Variants in LPAR3 observed in about 807,000 individuals in gnomAD.
LPAR3 encodes LPA receptor 3.
LPAR3 carries 7 observed loss-of-function variants against 17.8 expected under a neutral mutation model. The observed-to-expected ratio is 0.39, with a 90% confidence interval of 0.22 to 0.74. The LOEUF is 0.74. Ranked by LOEUF, LPAR3 falls within the 30% of genes least tolerant of loss-of-function variation. LPAR3 has a pLI of 0.40. For synonymous variants in LPAR3, 179 were observed against 179.9 expected (o/e 0.99, Z 0.04); for missense variants, 391 against 453.4 (o/e 0.86, Z 1.25).
intron 1 of LPAR3, among the ~76,000 whole-genome samples, chr1:84,879,542 G>A (rs373917953): frequency 1.7e-3 from 251 of 151,890 alleles, no homozygotes; most frequent in African/African-American, 5.6e-3. Context: ...TAATCTCCTG[G>A]CCTCGTGATC....
intron 2 of LPAR3, among the ~76,000 whole-genome samples, chr1:84,853,885 C>G (rs1048710245): frequency 1.3e-5 from 2 of 152,236 alleles, no homozygotes; most frequent in African/African-American, 4.8e-5. Context: ...AGACTGGCCA[C>G]AGGCCTATTT....
Position 84,883,492 on chromosome 1 carries a change from A to G in LPAR3, c.-19+9524T>C, listed in dbSNP as rs563211073. On this transcript the variant is annotated intron_variant, in intron 1 of 2. Coordinates refer to ENST00000370611, the MANE Select transcript of LPAR3 (RefSeq NM_012152.3). The stretch of plus-strand genomic sequence containing the variant: ...AAACCTAATGTTTAACATTCTTACT[A>G]TGTTACCATACTTCCTCTAAACCAC... Among the ~76,000 whole-genome samples, 11 of 152,322 alleles carry G rather than the reference A, an allele frequency of 7.2e-5. No individual in the cohort carries two copies. In the South Asian group the frequency reaches 2.3e-3, roughly 32 times the overall value.
chr1:84,889,707 C>T (rs1392486731), intron 1 of LPAR3, among the ~76,000 whole-genome samples: 2 of 152,182 alleles, frequency 1.3e-5, no homozygotes, highest in Admixed American at 6.5e-5. Flanking sequence ...TGCAGCAGTG[C>T]CCCCTTAGCA....
At chr1:84,862,964 G>A (rs1000580177) in intron 2 of LPAR3, among the ~76,000 whole-genome samples, 13 of 152,082 alleles carry the variant, frequency 8.5e-5, no homozygotes, top group Non-Finnish European at 1.6e-4. Flanking sequence ...GGGAGGTGGG[G>A]CAATAGGCCA....
chr1:84,855,124 G>C (rs540452496), intron 2 of LPAR3, among the ~76,000 whole-genome samples: 101 of 152,110 alleles, frequency 6.6e-4, no homozygotes, highest in Non-Finnish European at 1.1e-3. Flanking sequence ...TTGATCCCTA[G>C]GTCCACGACA....
intron 2 of LPAR3, among the ~76,000 whole-genome samples, chr1:84,840,264 C>G (rs540845672): frequency 5.9e-5 from 9 of 152,266 alleles, no homozygotes; most frequent in African/African-American, 1.9e-4. Flanking sequence ...ATGAAGAAAC[C>G]AAAAGCACTT....
chr1:84,836,161 A>T (rs975403565), intron 2 of LPAR3, among the ~76,000 whole-genome samples: 2 of 149,886 alleles, frequency 1.3e-5, no homozygotes, highest in African/African-American at 4.9e-5. Context: ...ACATGGCAAA[A>T]CTCTGTCTCT....
intron 2 of LPAR3, among the ~76,000 whole-genome samples, chr1:84,849,633 A>G (rs1291548659): frequency 6.6e-6 from 1 of 152,120 alleles, no homozygotes; most frequent in Non-Finnish European, 1.5e-5. Context: ...CCTGGGATCC[A>G]CCAGTTGCTA....
At chr1:84,855,726 G>A (rs1369489159) in intron 2 of LPAR3, among the ~76,000 whole-genome samples, 1 of 152,124 alleles carries the variant, frequency 6.6e-6, no homozygotes, top group Admixed American at 6.5e-5. Flanking sequence ...TGGTTACATT[G>A]GAAACAAGAA....
chr1:84,857,869 G>T (rs1001443976), intron 2 of LPAR3, among the ~76,000 whole-genome samples: 2 of 152,066 alleles, frequency 1.3e-5, no homozygotes, highest in Admixed American at 6.5e-5. Context: ...TTCCCTCAAG[G>T]GTTGTCATGA....
chr1:84,844,301 T>C lies in LPAR3; in HGVS notation c.736+21084A>G, dbSNP rs186439098. Among the ~76,000 whole-genome samples the C allele has an allele frequency of 5.7e-3, 861 of 152,358 alleles. 9 individuals are homozygous for C. The highest frequency in any genetic ancestry group is 0.02 in the African/African-American group (816 of 41,588). ...GCACTGACAGACAGCTAGATAGTTCTGGTCTTTTCAAATGTCTTGTGCTGC... is the reference window on the plus strand; with the variant it reads ...GCACTGACAGACAGCTAGATAGTTCCGGTCTTTTCAAATGTCTTGTGCTGC... On this transcript the variant is annotated intron_variant, in intron 2 of 2. Transcript: ENST00000370611.
intron 2 of LPAR3, among the ~76,000 whole-genome samples, chr1:84,837,805 G>C (rs578110044): frequency 1.3e-5 from 2 of 152,160 alleles, no homozygotes; most frequent in Admixed American, 1.3e-4. Flanking sequence ...AAAATCAAAG[G>C]GCATATGGTT....
chr1:84,861,626 T>C (rs916228376), intron 2 of LPAR3, among the ~76,000 whole-genome samples: 19 of 152,226 alleles, frequency 1.2e-4, no homozygotes, highest in African/African-American at 4.3e-4. Context: ...CCCAAATCTT[T>C]CTGTTATCTA....
chr1:84,858,590 G>C (rs914221445), intron 2 of LPAR3, among the ~76,000 whole-genome samples: 2 of 151,912 alleles, frequency 1.3e-5, no homozygotes, highest in African/African-American at 2.4e-5. Context: ...GGCCAAGATG[G>C]AAGTGAGGAA....
chr1:84,820,572 G>C (rs1409195029), intron 2 of LPAR3, among the ~76,000 whole-genome samples: 1 of 152,192 alleles, frequency 6.6e-6, no homozygotes, highest in Admixed American at 6.5e-5. Flanking sequence ...GATTGAGGAA[G>C]TAAGGTAAAG....
At position 84,854,083 on chromosome 1, in the gene LPAR3, A is replaced by G. The variant is rs374141891; in HGVS notation, c.736+11302T>C. On this transcript the variant is annotated intron_variant, in intron 2 of 2. Coordinates refer to ENST00000370611, the MANE Select transcript of LPAR3 (RefSeq NM_012152.3). ...CTGACAATGAAGTCCACAGGACCCT[A>G]GGATCCAAGGCCTTCCAGTCTCTGG... Among the ~76,000 whole-genome samples, 10 of 152,300 alleles carry G rather than the reference A, an allele frequency of 6.6e-5. No homozygotes were observed. The South Asian group carries it at 2.1e-3, about 32-fold the overall frequency.
At chr1:84,877,600 G>T (rs1660282733) in intron 1 of LPAR3, among the ~76,000 whole-genome samples, 1 of 152,182 alleles carries the variant, frequency 6.6e-6, no homozygotes, top group African/African-American at 2.4e-5. Flanking sequence ...GCTTGGGGAA[G>T]ATCAGAGGCA....
intron 2 of LPAR3, among the ~76,000 whole-genome samples, chr1:84,827,355 T>A (rs1659179052): frequency 1.3e-5 from 2 of 152,186 alleles, no homozygotes; most frequent in Admixed American, 6.5e-5. Context: ...TGGAAGTCAC[T>A]ACAGATTATG....
In LPAR3 at chr1:84,888,151, TACACACAC is replaced by T. The variant is rs757810280; in HGVS notation, c.-19+4857_-19+4864del. Among the ~76,000 whole-genome samples the T allele has an allele frequency of 7.1e-3, 650 of 91,050 alleles. 1 individual carries two copies. The highest frequency in any genetic ancestry group is 0.011 in the Admixed American group (87 of 7,880). 59.7% of individuals were successfully genotyped at this position (91,050 alleles called of 152,430 possible). ...TTTTATATATATATATATACATACATACACACACACACACACACACACACACACAGAGA... is the reference window on the plus strand; with the variant it reads ...TTTTATATATATATATATACATACATACACACACACACACACACACAGAGA... On this transcript the variant is annotated intron_variant, in intron 1 of 2. Transcript: ENST00000370611.
Sources: allele counts gnomAD v4.1 joint callset (sites outside exome capture counted in the v4.1 genomes callset), GRCh38; gene constraint gnomAD v4.1.1; transcripts MANE v1.5; gene names NCBI Gene and HGNC (gene_info 2026-07-23, HGNC 2026-07-21).